Variants in CNTNAP2 observed in about 807,000 individuals in gnomAD.
The protein encoded by CNTNAP2 is contactin-associated protein-like 2.
In CNTNAP2, 98 loss-of-function variants were observed where a neutral mutation model predicts 155.2. The observed-to-expected ratio is 0.63, with a 90% CI of 0.54 to 0.75. The LOEUF (loss-of-function observed/expected upper bound fraction) is 0.75, where lower values mean the gene tolerates loss of function less well. Ranked by LOEUF, CNTNAP2 falls within the 30% of genes least tolerant of loss-of-function variation. The pLI, the probability that CNTNAP2 is intolerant of heterozygous loss-of-function variation, is 0.00. For synonymous variants in CNTNAP2, 651 were observed against 631.2 expected (o/e 1.03, Z -0.47); for missense variants, 1,727 against 1,688.1 (o/e 1.02, Z -0.40).
At chr7:148,101,391 GT>G (rs1331907175) in intron 15 of CNTNAP2, among the ~76,000 whole-genome samples, 2 of 141,614 alleles carry the variant, frequency 1.4e-5, no homozygotes, top group African/African-American at 2.6e-5. Context: ...GTGTGTGTGT[GT>G]GGTGTTCTAC....
At chr7:146,561,580 C>T (rs1445104040) in intron 1 of CNTNAP2, among the ~76,000 whole-genome samples, 2 of 152,008 alleles carry the variant, frequency 1.3e-5, no homozygotes, top group Non-Finnish European at 2.9e-5. Context: ...CGTCGCTTGA[C>T]CTAGGGAGTT....
intron 1 of CNTNAP2, among the ~76,000 whole-genome samples, chr7:146,474,329 A>G (rs995740041): frequency 6.7e-6 from 1 of 149,778 alleles, no homozygotes; most frequent in South Asian, 2.1e-4. Context: ...CCCAAAACAT[A>G]TACTTACCAC....
chr7:147,476,929 T>TAA (rs1220005381), intron 10 of CNTNAP2, among the ~76,000 whole-genome samples: 2 of 18,244 alleles, frequency 1.1e-4, no homozygotes, highest in Non-Finnish European at 2.8e-4. Flanking sequence ...CTCTGTCATT[T>TAA]AAAAAAAAAA....
chr7:146,753,358 A>G (rs1260568693), intron 1 of CNTNAP2, among the ~76,000 whole-genome samples: 5 of 151,470 alleles, frequency 3.3e-5, no homozygotes, highest in Non-Finnish European at 5.9e-5. Flanking sequence ...GTTTTTGCAA[A>G]TTCCATGTAA....
chr7:146,966,668 T>G (rs1249819898), intron 3 of CNTNAP2, among the ~76,000 whole-genome samples: 2 of 152,228 alleles, frequency 1.3e-5, no homozygotes, highest in African/African-American at 4.8e-5. Context: ...GGATGGGGAA[T>G]GACGAACACA....
intron 12 of CNTNAP2, among the ~76,000 whole-genome samples, chr7:147,592,355 A>G (rs909001062): frequency 2.6e-5 from 4 of 152,192 alleles, no homozygotes; most frequent in Admixed American, 6.5e-5. Context: ...ATGGTGAACT[A>G]TAATTGGATT....
At chr7:147,796,919 A>G (rs1208012890) in intron 13 of CNTNAP2, among the ~76,000 whole-genome samples, 2 of 152,122 alleles carry the variant, frequency 1.3e-5, no homozygotes, top group Admixed American at 1.3e-4. Flanking sequence ...TCTCTTTATT[A>G]CCATTAACAA....
chr7:146,571,608 C>T (rs1347525083), intron 1 of CNTNAP2, among the ~76,000 whole-genome samples: 2 of 151,998 alleles, frequency 1.3e-5, no homozygotes, highest in African/African-American at 4.8e-5. Context: ...CATATGTCAA[C>T]CTATTAATTT....
chr7:146,341,764 G>T (rs7791697), intron 1 of CNTNAP2, among the ~76,000 whole-genome samples: 35,235 of 151,974 alleles, frequency 0.23, 8,558 homozygotes, highest in African/African-American at 0.62. Flanking sequence ...CACAAAGACA[G>T]GTTGAAATGT....
intron 1 of CNTNAP2, among the ~76,000 whole-genome samples, chr7:146,740,638 G>T (rs575267102): frequency 9.8e-5 from 15 of 152,320 alleles, no homozygotes; most frequent in Admixed American, 7.2e-4. Flanking sequence ...AGACTCCTGA[G>T]CCAGTGTTGA....
intron 3 of CNTNAP2, among the ~76,000 whole-genome samples, chr7:146,924,033 A>G (rs10274339): frequency 0.011 from 1,625 of 152,082 alleles, 32 homozygotes; most frequent in African/African-American, 0.038. Flanking sequence ...CTTAAAGTAT[A>G]TGTTTTTTTT....
intron 4 of CNTNAP2, among the ~76,000 whole-genome samples, chr7:147,056,791 G>A (rs528154712): frequency 6.6e-6 from 1 of 151,644 alleles, no homozygotes; most frequent in Non-Finnish European, 1.5e-5. Context: ...GTTTGTTTTG[G>A]AGACATTCTC....
intron 3 of CNTNAP2, among the ~76,000 whole-genome samples, chr7:146,866,568 A>G (rs1312340269): frequency 1.5e-4 from 23 of 152,144 alleles, no homozygotes; most frequent in Admixed American, 1.5e-3. Context: ...TGTGATGGAA[A>G]GGTATGTCCA....
chr7:147,004,943 A>C (rs1300558651), intron 3 of CNTNAP2, among the ~76,000 whole-genome samples: 1 of 152,106 alleles, frequency 6.6e-6, no homozygotes, highest in Non-Finnish European at 1.5e-5. Flanking sequence ...AAATGTATAA[A>C]GTTTTAAAAC....
At chr7:147,142,796 A>G (rs1399086070) in intron 8 of CNTNAP2, among the ~76,000 whole-genome samples, 1 of 152,124 alleles carries the variant, frequency 6.6e-6, no homozygotes, top group Non-Finnish European at 1.5e-5. Flanking sequence ...CATGCCACAC[A>G]AGAACATGCA....
intron 1 of CNTNAP2, among the ~76,000 whole-genome samples, chr7:146,174,452 C>G (rs1210896334): frequency 6.6e-6 from 1 of 151,978 alleles, no homozygotes; most frequent in Non-Finnish European, 1.5e-5. Flanking sequence ...AACTCCTGAT[C>G]TCAAGTGATC....
chr7:146,646,739 C>A (rs1256984826), intron 1 of CNTNAP2, among the ~76,000 whole-genome samples: 2 of 152,106 alleles, frequency 1.3e-5, no homozygotes, highest in African/African-American at 4.8e-5. Context: ...AGTCTTGAGT[C>A]ATCAGTTCTA....
intron 13 of CNTNAP2, among the ~76,000 whole-genome samples, chr7:147,887,168 T>A (rs1799615903): frequency 2.0e-5 from 3 of 152,154 alleles, no homozygotes; most frequent in Non-Finnish European, 4.4e-5. Flanking sequence ...TGCTCCCCCA[T>A]AAACATTTTT....
chr7:146,349,507 A>G (rs1794879801), intron 1 of CNTNAP2, among the ~76,000 whole-genome samples: 1 of 152,162 alleles, frequency 6.6e-6, no homozygotes, highest in African/African-American at 2.4e-5. Context: ...TGGTCCTGTC[A>G]TTAGGATGTT....
Sources: gnomAD v4.1 joint callset for allele counts (sites outside exome capture counted in the v4.1 genomes callset) on GRCh38, gnomAD v4.1.1 for gene constraint, MANE v1.5 for transcripts, NCBI Gene and HGNC (gene_info 2026-07-23, HGNC 2026-07-21) for gene names.